SSC5D: variants seen among roughly 807,000 people sequenced by gnomAD.
The protein encoded by SSC5D is soluble scavenger receptor cysteine-rich domain-containing protein SSC5D.
In SSC5D, 106 loss-of-function variants were observed where a neutral mutation model predicts 104.6. That is an observed-to-expected ratio of 1.01 (90% confidence interval 0.87 to 1.19). SSC5D has a LOEUF of 1.19. Ranked by LOEUF, SSC5D falls within the 50% of genes most tolerant of loss-of-function variation. SSC5D has a pLI of 0.00. For synonymous variants in SSC5D, 860 were observed against 883.5 expected (o/e 0.97, Z 0.47); for missense variants, 1,993 against 2,153.8 (o/e 0.93, Z 1.48).
At chr19:55,501,506 C>G (rs1413461675) in intron 12 of SSC5D, among the ~76,000 whole-genome samples, 2 of 152,208 alleles carry the variant, frequency 1.3e-5, no homozygotes, top group Admixed American at 6.5e-5. Context: ...AACCAAGGGC[C>G]ATTCTGTCAT....
At chr19:55,493,981 CGGGGGCG>C in intron 7 of SSC5D, 69 bp downstream of exon 7, 1 of 44,522 alleles carries the variant, frequency 2.2e-5, no homozygotes, top group Non-Finnish European at 2.8e-5. Flanking sequence ...GCAAGTTCGG[CGGGGGCG>C]GGGGGGTCCC....
At chr19:55,489,058 G>GCC (rs1446575304) in intron 2 of SSC5D, 26 bp downstream of exon 2, 2 of 1,203,748 alleles carry the variant, frequency 1.7e-6, no homozygotes, top group African/African-American at 2.5e-5. Flanking sequence ...CCTCCCATCT[G>GCC]CCCGCCCCCC....
rs1289838582 is a variant in SSC5D, at chr19:55,500,171, G to C, written c.2061G>C (p.Glu687Asp). 6.4e-7 allele frequency: 1 copy of C among 1,550,978 alleles called. No individual in the cohort carries two copies. Among genetic ancestry groups the C allele is most frequent in the Non-Finnish European group, 8.7e-7 (1 of 1,146,744 alleles). The part of the protein sequence containing the change: ...TSEFTRRPTT[E>D]APQRWTSHTT... ...AGTTTACCAGAAGGCCGACCACGGA[G>C]GCCCCCCAGAGATGGACCTCTCACA... Residue 687 changes from glutamate to aspartate, a missense_variant, in exon 10 of 14, where the codon GAG becomes GAC. Glu to Asp is a conservative substitution (Grantham distance 45). Transcript: ENST00000389623. This position sits in a 1 kb window ranked among gnomAD's most constrained non-coding sequence, Gnocchi z 4.6.
chr19:55,509,387 A>G (rs1489771194), intron 12 of SSC5D, among the ~76,000 whole-genome samples: 2 of 152,162 alleles, frequency 1.3e-5, no homozygotes, highest in Non-Finnish European at 2.9e-5. Context: ...CTCGCCCATG[A>G]GCCTAAGGAC....
rs1396712908 is a variant in SSC5D at position 55,497,877 on chromosome 19, C to T, written c.1388-3C>T. On this transcript the variant is annotated splice_polypyrimidine_tract_variant and splice_region_variant and intron_variant, in intron 8 of 13. Coordinates refer to ENST00000389623, the MANE Select transcript of SSC5D (RefSeq NM_001144950.2). ...CTAATTCTTTGGGTCTCTTCTACCC[C>T]AGGGTCCCCCCAGCTGCGCCTGGTG... is the stretch of plus-strand genomic sequence containing the variant. 6.5e-7 allele frequency: 1 copy of T among 1,528,936 alleles called. No homozygotes were observed. The highest frequency in any genetic ancestry group is 8.8e-7 in the Non-Finnish European group (1 of 1,131,642). 94.7% of individuals were successfully genotyped at this position (1,528,936 alleles called of 1,614,324 possible).
intron 12 of SSC5D, among the ~76,000 whole-genome samples, chr19:55,510,540 G>A: frequency 6.6e-6 from 1 of 151,128 alleles, no homozygotes; most frequent in Non-Finnish European, 1.5e-5. Context: ...GTAGAGATGG[G>A]GTTTCACCAT....
chr19:55,504,817 A>G (rs991395312), intron 12 of SSC5D, among the ~76,000 whole-genome samples: 1 of 152,074 alleles, frequency 6.6e-6, no homozygotes, highest in Non-Finnish European at 1.5e-5. Context: ...TTCTCTGGAA[A>G]AAAAATGGGG....
chr19:55,493,693 G>A lies in SSC5D; in HGVS notation c.994G>A (p.Ala332Thr), dbSNP rs1055422275. The A allele has an allele frequency of 3.6e-5, 55 of 1,512,610 alleles. No homozygotes were observed. The highest frequency in any genetic ancestry group is 1.1e-4 in the Admixed American group (5 of 45,588). 93.7% of individuals were successfully genotyped at this position (1,512,610 alleles called of 1,614,324 possible). ...GGRWGSVCDD[A>T]WDLRDAAVAC... ...TCGCTGGGGGTCGGTGTGTGACGAC[G>A]CCTGGGACCTGCGAGACGCCGCTGT... The change falls in exon 7 of 14, where the codon GCC becomes ACC. Residue 332 changes from alanine to threonine, a missense_variant. Around this residue, in one of 6 missense-constraint regions of SSC5D, gnomAD observed 1,101 missense variants for 1,085.0 expected, o/e 1.01. Transcript: ENST00000389623.
Position 55,489,024 on chromosome 19 carries a change from A to G in SSC5D, c.44A>G (p.Gln15Arg). 6.8e-7 allele frequency: 1 copy of G among 1,478,730 alleles called. No homozygotes were observed. Among genetic ancestry groups the G allele is most frequent in the Non-Finnish European group, 9.0e-7 (1 of 1,115,590 alleles). 91.6% of individuals were successfully genotyped at this position (1,478,730 alleles called of 1,614,324 possible). Reference sequence around the variant, plus strand: ...CTTCCAGCGGCCCTGGTGGGGATCCAGGCTGTTGGTAAGTGCCCAGACTCC... The same window carrying G: ...CTTCCAGCGGCCCTGGTGGGGATCCGGGCTGTTGGTAAGTGCCCAGACTCC... Reference protein sequence around the residue: ...ACLLAALVGIQAVERLRLADG... With the variant: ...ACLLAALVGIRAVERLRLADG... The change falls in exon 2 of 14, where the codon CAG becomes CGG. Residue 15 changes from glutamine (Q) to arginine (R), a missense_variant. By Grantham distance (43) the Gln-to-Arg change is conservative (BLOSUM62 1). Coordinates refer to ENST00000389623, the MANE Select transcript of SSC5D (RefSeq NM_001144950.2).
At chr19:55,514,665 A>C (rs1987832791) in intron 13 of SSC5D, among the ~76,000 whole-genome samples, 2 of 151,708 alleles carry the variant, frequency 1.3e-5, no homozygotes, top group African/African-American at 4.8e-5. Flanking sequence ...GGAAATCTGC[A>C]TGAGCTCCAT....
intron 7 of SSC5D, 140 bp from the exon 8 acceptor site, chr19:55,494,470 T>C (rs1987253297): frequency 1.1e-6 from 1 of 925,952 alleles, no homozygotes; most frequent in Admixed American, 3.1e-5. Context: ...GCGTGGGCTG[T>C]GTCTAGGGAG....
intron 13 of SSC5D, among the ~76,000 whole-genome samples, chr19:55,515,973 G>A (rs1370518126): frequency 6.6e-6 from 1 of 152,118 alleles, no homozygotes; most frequent in African/African-American, 2.4e-5. Context: ...CCTTGGGCGA[G>A]TCACCTGCCC....
In SSC5D at chr19:55,500,892, G is replaced by T; in HGVS notation, c.2617+88G>T. The T allele has an allele frequency of 6.7e-7, 1 of 1,492,448 alleles. No individual in the cohort carries two copies. The allele number at this position is 1,492,448 out of a possible 1,614,324, so 92.5% of individuals were successfully genotyped here. ...GGGGCCAGGTGACGGCACCATGGTCGACTCTAAAGAACTGGGTATGAGGGG... is the reference window on the plus strand; with the variant it reads ...GGGGCCAGGTGACGGCACCATGGTCTACTCTAAAGAACTGGGTATGAGGGG... On this transcript the variant is annotated intron_variant, in intron 11 of 13. Transcript: ENST00000389623. The surrounding 1 kb of genome is among the most constrained non-coding windows in gnomAD (Gnocchi z 4.6).
chr19:55,493,992 G>GA, intron 7 of SSC5D, 80 bp downstream of exon 7: 1 of 284,106 alleles, frequency 3.5e-6, no homozygotes, highest in South Asian at 2.6e-5. Flanking sequence ...GGGGGCGGGG[G>GA]GGTCCCTACG....
At chr19:55,504,148 C>G (rs1268143287) in intron 12 of SSC5D, 1 of 1,535,616 alleles carries the variant, frequency 6.5e-7, no homozygotes, top group Non-Finnish European at 8.7e-7. Context: ...AGGTGATGCT[C>G]CTCGTTCAAG....
chr19:55,515,559 C>T (rs1484659994), intron 13 of SSC5D, among the ~76,000 whole-genome samples: 3 of 151,680 alleles, frequency 2.0e-5, no homozygotes, highest in South Asian at 2.1e-4. Context: ...AGTGAAACCC[C>T]ATCTCTACTA....
At chr19:55,495,130 G>C (rs1449231148) in intron 8 of SSC5D, among the ~76,000 whole-genome samples, 1 of 146,784 alleles carries the variant, frequency 6.8e-6, no homozygotes, top group Non-Finnish European at 1.5e-5. Context: ...CAGCTTCAAG[G>C]AACAGCCCTG....
chr19:55,502,318 CA>C (rs1185916926), intron 12 of SSC5D, among the ~76,000 whole-genome samples: 1 of 152,074 alleles, frequency 6.6e-6, no homozygotes, highest in African/African-American at 2.4e-5. Flanking sequence ...GTATTTTTTT[CA>C]TGGTAATTTC....
In SSC5D at chr19:55,498,129, A is replaced by G. The variant is rs1987375996; in HGVS notation, c.1637A>G (p.Asp546Gly). 8 of 1,551,640 alleles carry G rather than the reference A, an allele frequency of 5.2e-6. No homozygotes were observed. Among genetic ancestry groups the G allele is most frequent in the Non-Finnish European group, 6.1e-6 (7 of 1,146,966 alleles). The part of the protein sequence containing the change: ...GCVGTEASLS[D>G]CPAAPWGKHN... ...GTGGGGACCGAGGCTTCACTGTCCGACTGCCCTGCTGCTCCCTGGGGAAAG... is the reference window on the plus strand; with the variant it reads ...GTGGGGACCGAGGCTTCACTGTCCGGCTGCCCTGCTGCTCCCTGGGGAAAG... Residue 546 changes from aspartate (D) to glycine (G), a missense_variant, in exon 9 of 14, where the codon GAC (aspartate) becomes GGC (glycine). Coordinates refer to ENST00000389623, the MANE Select transcript of SSC5D (RefSeq NM_001144950.2).
Sources: gnomAD v4.1 joint callset for allele counts (sites outside exome capture counted in the v4.1 genomes callset) on GRCh38, gnomAD v4.1.1 for gene constraint, gnomAD v4.1.1 regional missense constraint, Gnocchi (gnomAD v3.1) non-coding constraint, MANE v1.5 for transcripts, NCBI Gene and HGNC (gene_info 2026-07-23, HGNC 2026-07-21) for gene names.